DPP10: variants seen among roughly 807,000 people sequenced by gnomAD.
DPP10 encodes the protein inactive dipeptidyl peptidase 10.
DPP10 carries 33 observed loss-of-function variants against 120.9 expected under a neutral mutation model. That is an observed-to-expected ratio of 0.27 (90% CI 0.21 to 0.37). The LOEUF (loss-of-function observed/expected upper bound fraction) is 0.37, where lower values mean the gene tolerates loss of function less well. DPP10 is among the 10% of genes least tolerant of loss of function. The pLI is 1.00. For synonymous variants in DPP10, 337 were observed against 326.1 expected, an observed-to-expected ratio of 1.03 and a Z score of -0.36; for missense variants, 816 against 942.8, an observed-to-expected ratio of 0.87 and a Z score of 1.76.
intron 1 of DPP10, among the ~76,000 whole-genome samples, chr2:115,092,133 C>T (rs1709317912): frequency 6.6e-6 from 1 of 152,120 alleles, no homozygotes; most frequent in Non-Finnish European, 1.5e-5. Flanking sequence ...CCTCAGAAAG[C>T]TTAGATAATT....
intron 1 of DPP10, among the ~76,000 whole-genome samples, chr2:115,300,297 A>C (rs1057507905): frequency 1.2e-4 from 18 of 152,038 alleles, no homozygotes; most frequent in African/African-American, 4.3e-4. Flanking sequence ...TACTCGACGC[A>C]CGTCGTTTAA....
chr2:115,136,944 TC>T (rs2050681116), intron 1 of DPP10, among the ~76,000 whole-genome samples: 2 of 152,200 alleles, frequency 1.3e-5, no homozygotes, highest in South Asian at 4.1e-4. Flanking sequence ...TAGTTCTCCT[TC>T]CCTTTAGGTC....
At chr2:115,388,067 C>T (rs2067073770) in intron 3 of DPP10, among the ~76,000 whole-genome samples, 4 of 152,006 alleles carry the variant, frequency 2.6e-5, no homozygotes, top group Admixed American at 1.3e-4. Flanking sequence ...ATATATATGA[C>T]GTAAAGTTTC....
At chr2:115,209,853 C>A (rs1012440237) in intron 1 of DPP10, among the ~76,000 whole-genome samples, 11 of 152,046 alleles carry the variant, frequency 7.2e-5, no homozygotes, top group Non-Finnish European at 1.3e-4. Flanking sequence ...ATTTCTATCA[C>A]AATGATAGTA....
intron 1 of DPP10, among the ~76,000 whole-genome samples, chr2:115,017,692 A>T (rs1171938983): frequency 6.6e-6 from 1 of 152,022 alleles, no homozygotes; most frequent in African/African-American, 2.4e-5. Context: ...TGATGAGTTC[A>T]TGTCCTTCAT....
At chr2:115,787,989 A>G (rs746444966) in intron 17 of DPP10, among the ~76,000 whole-genome samples, 1 of 152,168 alleles carries the variant, frequency 6.6e-6, no homozygotes, top group Non-Finnish European at 1.5e-5. Context: ...AAACAAACCT[A>G]GAAGATATTT....
In DPP10 at chr2:114,753,740, T is replaced by C. The variant is rs558849555; in HGVS notation, c.60+310902T>C. ...CTGGCTAACACGGTGAAACCCCATCTATACTTAAAATACAAAAAATTAGCC... is the reference window on the plus strand; with the variant it reads ...CTGGCTAACACGGTGAAACCCCATCCATACTTAAAATACAAAAAATTAGCC... On this transcript the variant is annotated intron_variant, in intron 1 of 25. Coordinates refer to ENST00000410059, the MANE Select transcript of DPP10 (RefSeq NM_020868.6). Among the ~76,000 whole-genome samples the C allele has an allele frequency of 1.7e-3, 264 of 151,700 alleles. 2 individuals carry two copies. The highest frequency in any genetic ancestry group is 6.0e-3 in the African/African-American group (249 of 41,422).
chr2:115,413,886 A>C (rs2069149767), intron 3 of DPP10, among the ~76,000 whole-genome samples: 1 of 149,812 alleles, frequency 6.7e-6, no homozygotes, highest in South Asian at 2.1e-4. Context: ...TTATCTAAGG[A>C]AGGCAATTCT....
chr2:114,800,306 G>A lies in DPP10; in HGVS notation c.60+357468G>A, dbSNP rs77233586. On this transcript the variant is annotated intron_variant, in intron 1 of 25. Coordinates refer to ENST00000410059, the MANE Select transcript of DPP10 (RefSeq NM_020868.6). ...GGTTGATCAGTTAGGAACGATATGA[G>A]GAAAAGAAAACTTAATTAACTACAG... 6.0e-3 allele frequency among the ~76,000 whole-genome samples: 919 copies of A among 152,220 alleles called. 15 individuals are homozygous for A. Among genetic ancestry groups the A allele is most frequent in the African/African-American group, 0.021 (880 of 41,554 alleles).
At chr2:114,987,076 G>A (rs555241173) in intron 1 of DPP10, among the ~76,000 whole-genome samples, 18 of 152,120 alleles carry the variant, frequency 1.2e-4, no homozygotes, top group African/African-American at 2.7e-4. Context: ...CACTGCACCC[G>A]GCCTAGGATA....
intron 1 of DPP10, among the ~76,000 whole-genome samples, chr2:115,011,470 T>C (rs1702258904): frequency 6.6e-6 from 1 of 152,236 alleles, no homozygotes; most frequent in Non-Finnish European, 1.5e-5. Context: ...CACATAAGCA[T>C]TTATCCTTCT....
chr2:115,650,414 G>C (rs555255546), intron 5 of DPP10, among the ~76,000 whole-genome samples: 75 of 146,122 alleles, frequency 5.1e-4, no homozygotes, highest in Admixed American at 3.8e-3. Flanking sequence ...GGGGAAAGGG[G>C]GGGGGGGATA....
chr2:114,478,141 G>A (rs894725092), intron 1 of DPP10, among the ~76,000 whole-genome samples: 4 of 151,524 alleles, frequency 2.6e-5, no homozygotes, highest in Admixed American at 6.6e-5. Flanking sequence ...AAAAAGCTAC[G>A]GATAAATACT....
intron 5 of DPP10, among the ~76,000 whole-genome samples, chr2:115,616,827 C>T (rs899318123): frequency 1.3e-5 from 2 of 152,046 alleles, no homozygotes; most frequent in African/African-American, 2.4e-5. Context: ...ACATATCCCC[C>T]TTGGGAAATT....
At chr2:115,836,378 T>C in intron 22 of DPP10, 122 bp downstream of exon 22, 1 of 1,393,768 alleles carries the variant, frequency 7.2e-7, no homozygotes, top group Non-Finnish European at 9.9e-7. Context: ...TTTCAGCTGT[T>C]TATCTCCTCC....
intron 1 of DPP10, among the ~76,000 whole-genome samples, chr2:114,815,768 G>A (rs1685591972): frequency 6.6e-6 from 1 of 151,984 alleles, no homozygotes; most frequent in Non-Finnish European, 1.5e-5. Flanking sequence ...ACTGTCAATT[G>A]GGAGTCAAAT....
Position 114,794,246 on chromosome 2 carries a change from CA to C in DPP10, c.60+351411del, listed in dbSNP as rs543627290. Among the ~76,000 whole-genome samples, 890 of 152,268 alleles carry C rather than the reference CA, an allele frequency of 5.8e-3. 10 individuals carry two copies. Among genetic ancestry groups the C allele is most frequent in the African/African-American group, 0.02 (842 of 41,534 alleles). On this transcript the variant is annotated intron_variant, in intron 1 of 25. Coordinates refer to ENST00000410059, the MANE Select transcript of DPP10 (RefSeq NM_020868.6). ...TTTGGTCCAGTCTCTGAGCCTCCAG[CA>C]AACCATACATCTTCGATAAGCCATG... is the stretch of plus-strand genomic sequence containing the variant.
intron 3 of DPP10, among the ~76,000 whole-genome samples, chr2:115,420,905 C>G (rs1032647528): frequency 1.3e-5 from 2 of 152,146 alleles, no homozygotes; most frequent in Non-Finnish European, 2.9e-5. Flanking sequence ...TAAGAAATAA[C>G]TCAGAAGACA....
chr2:115,357,534 C>T (rs1033833168), intron 3 of DPP10, among the ~76,000 whole-genome samples: 1 of 152,192 alleles, frequency 6.6e-6, no homozygotes, highest in Admixed American at 6.5e-5. Context: ...CTCCTGGATG[C>T]TTTCATGGGC....
Sources: allele counts gnomAD v4.1 joint callset (sites outside exome capture counted in the v4.1 genomes callset), GRCh38; gene constraint gnomAD v4.1.1; transcripts MANE v1.5; gene names NCBI Gene and HGNC (gene_info 2026-07-23, HGNC 2026-07-21).